Variants in PHACTR2 observed in about 807,000 individuals in gnomAD.
PHACTR2 encodes the protein phosphatase and actin regulator 2.
In PHACTR2, 30 loss-of-function variants were observed where a neutral mutation model predicts 76.0. The observed-to-expected ratio is 0.39, with a 90% CI of 0.30 to 0.54. The LOEUF is 0.54. Among genes scored for constraint, PHACTR2 ranks in the 20% least tolerant of loss-of-function variants. PHACTR2 has a pLI of 0.61. For synonymous variants in PHACTR2, 292 were observed against 292.5 expected, an observed-to-expected ratio of 1.00 and a Z score of 0.02; for missense variants, 696 against 781.1, an observed-to-expected ratio of 0.89 and a Z score of 1.30.
intron 1 of PHACTR2, among the ~76,000 whole-genome samples, chr6:143,629,218 C>T (rs1451277323): frequency 3.9e-5 from 6 of 151,908 alleles, no homozygotes; most frequent in African/African-American, 1.2e-4. Context: ...TATGCCCTCT[C>T]CCTAAGCATC....
intron 1 of PHACTR2, among the ~76,000 whole-genome samples, chr6:143,540,358 C>T (rs757402192): frequency 1.7e-4 from 26 of 152,154 alleles, no homozygotes; most frequent in African/African-American, 4.8e-4. Context: ...CCCTCCAGAA[C>T]GACAGACCAT....
In PHACTR2 at chr6:143,795,974, A is replaced by AT. The variant is rs1408538634; in HGVS notation, c.1845+7070dup. Among the ~76,000 whole-genome samples the AT allele has an allele frequency of 6.6e-6, 1 of 152,026 alleles. No homozygotes were observed. The highest frequency in any genetic ancestry group is 1.5e-5 in the Non-Finnish European group (1 of 67,990). On this transcript the variant is annotated intron_variant, in intron 11 of 12. Coordinates refer to ENST00000440869, the MANE Select transcript of PHACTR2 (RefSeq NM_001100164.2). This position sits in a 1 kb window ranked among gnomAD's most constrained non-coding sequence, Gnocchi z 4.8. The stretch of plus-strand genomic sequence containing the variant: ...ATTATCCAGTGAAAGAGAGTGTAGA[A>AT]TTTTTTCAGATGAGATGTGCTTTTG...
intron 1 of PHACTR2, among the ~76,000 whole-genome samples, chr6:143,551,482 C>A (rs1775094584): frequency 6.6e-6 from 1 of 152,136 alleles, no homozygotes; most frequent in African/African-American, 2.4e-5. Context: ...TTTAATTCTT[C>A]ATTTCTCAGT....
chr6:143,670,244 A>C (rs1777128483), intron 1 of PHACTR2, among the ~76,000 whole-genome samples: 2 of 152,176 alleles, frequency 1.3e-5, no homozygotes, highest in Admixed American at 1.3e-4. Flanking sequence ...TTTTGTGGGT[A>C]ACCCAACCTT....
Position 143,561,777 on chromosome 6 carries a change from A to C in PHACTR2, c.217+24570A>C, listed in dbSNP as rs549140201. The C allele has an allele frequency of 2.0e-5, 3 of 152,400 alleles. No homozygotes were observed. Among genetic ancestry groups the C allele is most frequent in the Non-Finnish European group, 4.4e-5 (3 of 68,064 alleles). The allele number at this position is 152,400 out of a possible 1,614,324, so 9.4% of individuals were successfully genotyped here. A position where few individuals can be genotyped will look rare whatever the true frequency, so the allele number is the denominator to read the frequency against. ...TTTGCTGAGTACCAGAAGGCCAGTA[A>C]GTAAGGCAGTGAGCCAGGGAGAGCT... On this transcript the variant is annotated intron_variant, in intron 1 of 11. Transcript: ENST00000367584. This position sits in a 1 kb window ranked among gnomAD's most constrained non-coding sequence, Gnocchi z 4.1.
Position 143,663,185 on chromosome 6 carries a change from G to A in PHACTR2, c.14-48831G>A, listed in dbSNP as rs1230045402. Reference sequence around the variant, plus strand: ...CAGTGATGAACGTACGAGTGCATGTGTCTTTTTGCTATAGTGATCTATTTC... The same window carrying A: ...CAGTGATGAACGTACGAGTGCATGTATCTTTTTGCTATAGTGATCTATTTC... On this transcript the variant is annotated intron_variant, in intron 1 of 11. Transcript: ENST00000305766. The surrounding 1 kb of genome is among the most constrained non-coding windows in gnomAD (Gnocchi z 4.1). Among the ~76,000 whole-genome samples the A allele has an allele frequency of 6.6e-6, 1 of 152,144 alleles. No homozygotes were observed. The highest frequency in any genetic ancestry group is 2.4e-5 in the African/African-American group (1 of 41,428).
rs1200694749 is a variant in PHACTR2 at position 143,794,069 on chromosome 6, A to C, written c.1845+5159A>C. Among the ~76,000 whole-genome samples the C allele has an allele frequency of 6.6e-6, 1 of 152,018 alleles. No individual in the cohort carries two copies. Among genetic ancestry groups the C allele is most frequent in the Non-Finnish European group, 1.5e-5 (1 of 67,994 alleles). On this transcript the variant is annotated intron_variant, in intron 11 of 12. Transcript: ENST00000440869. This position sits in a 1 kb window ranked among gnomAD's most constrained non-coding sequence, Gnocchi z 4.1. Reference sequence around the variant, plus strand: ...ATATTCAAAAATGCAAAAATAAAAAAAGAACCACTTTAATGCACGGTACTT... The same window carrying C: ...ATATTCAAAAATGCAAAAATAAAAACAGAACCACTTTAATGCACGGTACTT...
At position 143,821,538 on chromosome 6, in the gene PHACTR2, A is replaced by T. The variant is rs761252246; in HGVS notation, c.1923-2136A>T. Among the ~76,000 whole-genome samples, 2 of 152,266 alleles carry T rather than the reference A, an allele frequency of 1.3e-5. No individual in the cohort carries two copies. Among genetic ancestry groups the T allele is most frequent in the African/African-American group, 2.4e-5 (1 of 41,474 alleles). On this transcript the variant is annotated intron_variant, in intron 12 of 12. Coordinates refer to ENST00000440869, the MANE Select transcript of PHACTR2 (RefSeq NM_001100164.2). This position sits in a 1 kb window ranked among gnomAD's most constrained non-coding sequence, Gnocchi z 5.2. ...ATGATCCAATAGCAAAGGCACATGT[A>T]TCCAAAGATTATATAATGTAAGCAA...
Position 143,765,612 on chromosome 6 carries a change from C to G in PHACTR2, c.1046C>G (p.Pro349Arg), listed in dbSNP as rs750218618. The G allele has an allele frequency of 9.9e-6, 16 of 1,614,042 alleles. No homozygotes were observed. Among genetic ancestry groups the G allele is most frequent in the Non-Finnish European group, 1.4e-5 (16 of 1,180,010 alleles). ...PVAPAPSPLA[P>R]PLPLEDQCIT... ...GCTCCAGCACCTTCTCCTCTGGCCC[C>G]CCCTCTCCCTCTTGAGGATCAGTGC... Residue 349 changes from proline to arginine, a missense_variant, in exon 6 of 13, where the codon CCC (proline) becomes CGC (arginine). By Grantham distance (103) the Pro-to-Arg change is moderately radical. Around this residue, in one of 2 missense-constraint regions of PHACTR2, gnomAD observed 460 missense variants for 450.9 expected, o/e 1.02. Transcript: ENST00000440869. This position sits in a 1 kb window ranked among gnomAD's most constrained non-coding sequence, Gnocchi z 4.1.
rs1777575962 is a variant in PHACTR2, at chr6:143,688,759, C to A, written c.46+10550C>A. 1.3e-5 allele frequency among the ~76,000 whole-genome samples: 2 copies of A among 152,220 alleles called. No individual in the cohort carries two copies. Among genetic ancestry groups the A allele is most frequent in the South Asian group, 4.1e-4 (2 of 4,834 alleles). On this transcript the variant is annotated intron_variant, in intron 1 of 12. Transcript: ENST00000440869. The surrounding 1 kb of genome is among the most constrained non-coding windows in gnomAD (Gnocchi z 5.2). The stretch of plus-strand genomic sequence containing the variant: ...GTCCAAGCTCTGGGGCCATCCATTA[C>A]ATGGACAACTGCAGTAGATTCCAGC...
chr6:143,703,063 C>CT (rs1777952453), intron 1 of PHACTR2, among the ~76,000 whole-genome samples: 1 of 149,818 alleles, frequency 6.7e-6, no homozygotes, highest in South Asian at 2.1e-4. Context: ...AATCCCAGCA[C>CT]TTTGGGAGGC....
Position 143,585,837 on chromosome 6 carries a change from T to C in PHACTR2, c.217+48630T>C, listed in dbSNP as rs949596632. Among the ~76,000 whole-genome samples the C allele has an allele frequency of 6.6e-6, 1 of 152,216 alleles. No homozygotes were observed. The highest frequency in any genetic ancestry group is 1.5e-5 in the Non-Finnish European group (1 of 68,036). ...GCTAGGGAATTAATGTAGCGCTGAA[T>C]GTTTAAACGGGAAGTGGATGAGCCC... On this transcript the variant is annotated intron_variant, in intron 1 of 11. Coordinates refer to the PHACTR2 transcript ENST00000367584. This position sits in a 1 kb window ranked among gnomAD's most constrained non-coding sequence, Gnocchi z 5.2.
At position 143,663,544 on chromosome 6, in the gene PHACTR2, GT is replaced by G. The variant is rs937825091; in HGVS notation, c.14-48465del. On this transcript the variant is annotated intron_variant, in intron 1 of 11. Coordinates refer to the PHACTR2 transcript ENST00000305766. This position sits in a 1 kb window ranked among gnomAD's most constrained non-coding sequence, Gnocchi z 4.1. ...CTTTCCCTGAATAGATCTTTTCTTT[GT>G]TTTTTTAAATAAATGCGATTAAAGC... Among the ~76,000 whole-genome samples, 2 of 151,010 alleles carry G rather than the reference GT, an allele frequency of 1.3e-5. No individual in the cohort carries two copies. Among genetic ancestry groups the G allele is most frequent in the Non-Finnish European group, 3.0e-5 (2 of 67,714 alleles).
At chr6:143,586,580 G>A (rs1775632144) in intron 1 of PHACTR2, among the ~76,000 whole-genome samples, 2 of 152,244 alleles carry the variant, frequency 1.3e-5, no homozygotes, top group Non-Finnish European at 2.9e-5. Flanking sequence ...CTGCTGCAGA[G>A]CAGGCTACCC....
chr6:143,826,468 T>A lies in PHACTR2; in HGVS notation c.*2779T>A, dbSNP rs1776532450. ...TGACATTAGGCTGACATCGAGGAAG[T>A]AAGTGGGTTTTCCTGAGTTCCCAAG... is the stretch of plus-strand genomic sequence containing the variant. On this transcript the variant is annotated 3_prime_UTR_variant, in exon 13 of 13. Transcript: ENST00000440869. 1 of 152,192 alleles carries A rather than the reference T, an allele frequency of 6.6e-6. No individual in the cohort carries two copies. The highest frequency in any genetic ancestry group is 6.5e-5 in the Admixed American group (1 of 15,286). 9.4% of individuals were successfully genotyped at this position (152,192 alleles called of 1,614,324 possible).
In PHACTR2 at chr6:143,700,088, GT is replaced by G. The variant is rs1169864331; in HGVS notation, c.47-11926del. On this transcript the variant is annotated intron_variant, in intron 1 of 12. Coordinates refer to ENST00000440869, the MANE Select transcript of PHACTR2 (RefSeq NM_001100164.2). This position sits in a 1 kb window ranked among gnomAD's most constrained non-coding sequence, Gnocchi z 4.1. ...GGAGGCTCTTGGACATAGAGAGAACGTTAGTCACATTATATATATTCTCTGG... is the reference window on the plus strand; with the variant it reads ...GGAGGCTCTTGGACATAGAGAGAACGTAGTCACATTATATATATTCTCTGG... Among the ~76,000 whole-genome samples, 2 of 152,130 alleles carry G rather than the reference GT, an allele frequency of 1.3e-5. No individual in the cohort carries two copies. The highest frequency in any genetic ancestry group is 1.3e-4 in the Admixed American group (2 of 15,280).
rs1776639176 is a variant in PHACTR2 at position 143,830,291 on chromosome 6, T to TC, written c.*6602_*6603insC. 6.6e-6 allele frequency: 1 copy of TC among 151,900 alleles called. No homozygotes were observed. The highest frequency in any genetic ancestry group is 2.4e-5 in the African/African-American group (1 of 41,428). The allele number at this position is 151,900 out of a possible 1,614,324, so 9.4% of individuals were successfully genotyped here. A position where few individuals can be genotyped will look rare whatever the true frequency, so the allele number is the denominator to read the frequency against. On this transcript the variant is annotated 3_prime_UTR_variant, in exon 13 of 13. Coordinates refer to ENST00000440869, the MANE Select transcript of PHACTR2 (RefSeq NM_001100164.2). ...ATTCAAACAAGTTTCTTTTTTTTTTTTTTTTTTCTGTGTAACAGGGATTTT... is the reference window on the plus strand; with the variant it reads ...ATTCAAACAAGTTTCTTTTTTTTTTTCTTTTTTTCTGTGTAACAGGGATTTT...
chr6:143,576,768 C>G (rs552314758), intron 1 of PHACTR2, among the ~76,000 whole-genome samples: 1 of 150,446 alleles, frequency 6.6e-6, no homozygotes, highest in Non-Finnish European at 1.5e-5. Flanking sequence ...CTCAGCTACT[C>G]GGTAGGTTGA....
chr6:143,691,445 A>G lies in PHACTR2; in HGVS notation c.46+13236A>G, dbSNP rs988366261. 3.3e-5 allele frequency among the ~76,000 whole-genome samples: 5 copies of G among 152,308 alleles called. No individual in the cohort carries two copies. In the East Asian group the frequency reaches 7.7e-4, roughly 23 times the overall value. On this transcript the variant is annotated intron_variant, in intron 1 of 12. Transcript: ENST00000440869. The stretch of plus-strand genomic sequence containing the variant: ...TTACTGTTCATGAGCAAATATTCCT[A>G]TTGTCAAGTAGAATGTTGAGATTCT...
Sources: gnomAD v4.1 joint callset for allele counts (sites outside exome capture counted in the v4.1 genomes callset) on GRCh38, gnomAD v4.1.1 for gene constraint, gnomAD v4.1.1 regional missense constraint, Gnocchi (gnomAD v3.1) non-coding constraint, MANE v1.5 for transcripts, NCBI Gene and HGNC (gene_info 2026-07-23, HGNC 2026-07-21) for gene names.